CNTNAP3: variants seen among roughly 807,000 people sequenced by gnomAD.
CNTNAP3 encodes the protein contactin associated protein family member 3, also known as contactin-associated protein-like 3.
Under a neutral mutation model 92.1 loss-of-function variants are expected in CNTNAP3, and 36 were observed. The observed-to-expected ratio is 0.39, with a 90% CI of 0.30 to 0.52. CNTNAP3 has a LOEUF of 0.52. CNTNAP3 is among the 20% of genes least tolerant of loss of function. CNTNAP3 has a pLI of 0.76. For missense variants in CNTNAP3, 534 were observed against 1,069.6 expected, an observed-to-expected ratio of 0.50 and a Z score of 6.98; for synonymous variants, 232 against 422.3, an observed-to-expected ratio of 0.55 and a Z score of 5.53.
chr9:39,100,358 C>A (rs1826427444), intron 17 of CNTNAP3, among the ~76,000 whole-genome samples: 1 of 152,156 alleles, frequency 6.6e-6, no homozygotes, highest in Non-Finnish European at 1.5e-5. Context: ...ACATAACTTT[C>A]AAACATGGTG....
chr9:39,125,144 G>A (rs1169409772), intron 13 of CNTNAP3, among the ~76,000 whole-genome samples: 4 of 152,006 alleles, frequency 2.6e-5, no homozygotes, highest in Non-Finnish European at 5.9e-5. Context: ...TTAAGAAAAT[G>A]TGGCACATAT....
At chr9:39,088,964 CTT>C (rs1267711229) in intron 18 of CNTNAP3, among the ~76,000 whole-genome samples, 1 of 152,342 alleles carries the variant, frequency 6.6e-6, no homozygotes, top group East Asian at 1.9e-4. Context: ...TTATAGGTGA[CTT>C]ATCTCATCTT....
At chr9:39,095,472 T>C (rs1826304567) in intron 18 of CNTNAP3, among the ~76,000 whole-genome samples, 1 of 150,176 alleles carries the variant, frequency 6.7e-6, no homozygotes, top group Non-Finnish European at 1.5e-5. Flanking sequence ...GCCTTTATCA[T>C]ATTGAGAAAG....
In CNTNAP3 at chr9:39,099,932, C is replaced by G; in HGVS notation, c.2974G>C (p.Asp992His). 2 of 1,611,298 alleles carry G rather than the reference C, an allele frequency of 1.2e-6. No individual in the cohort carries two copies. The highest frequency in any genetic ancestry group is 1.1e-5 in the South Asian group (1 of 90,842). The change falls in exon 18 of 24, where the codon GAT becomes CAT. Residue 992 changes from aspartate to histidine, a missense_variant. Coordinates refer to ENST00000297668, the MANE Select transcript of CNTNAP3 (RefSeq NM_033655.5). The part of the protein sequence containing the change: ...VTCDCAFSAY[D>H]GPFCSNEISA... ...TTACCATTGGAGCAGAACGGCCCAT[C>G]ATAGGCTGAGAAGGCACAGTCACAG...
chr9:39,161,775 G>A (rs1222534300), intron 9 of CNTNAP3, among the ~76,000 whole-genome samples: 1 of 128,188 alleles, frequency 7.8e-6, no homozygotes, highest in African/African-American at 3.1e-5. Flanking sequence ...TTAAAGCCTG[G>A]GAGGTTGAGG....
At chr9:39,105,428 AAAACAAAC>A (rs538319512) in intron 15 of CNTNAP3, among the ~76,000 whole-genome samples, 4 of 152,278 alleles carry the variant, frequency 2.6e-5, no homozygotes, top group African/African-American at 9.6e-5. Context: ...CTCCATCTCA[AAAACAAAC>A]AAACAAACAA....
At chr9:39,110,494 A>G (rs1272426183) in intron 14 of CNTNAP3, among the ~76,000 whole-genome samples, 1 of 152,206 alleles carries the variant, frequency 6.6e-6, no homozygotes, top group African/African-American at 2.4e-5. Flanking sequence ...AGTAAAAAAT[A>G]TATTTTAGTC....
intron 21 of CNTNAP3, among the ~76,000 whole-genome samples, chr9:39,081,578 A>C (rs1825935068): frequency 6.6e-6 from 1 of 150,906 alleles, no homozygotes; most frequent in African/African-American, 2.4e-5. Context: ...CTAATACAGA[A>C]TTTGAAATAC....
rs946537377 is a variant in CNTNAP3, at chr9:39,086,038, G to A, written c.3355-215C>T. On this transcript the variant is annotated intron_variant, in intron 20 of 23. Transcript: ENST00000297668. ...TGCCATCAGCTACCACTCTATCCAC[G>A]ATGTACCCACTTGCTGGCTTTACTC... is the stretch of plus-strand genomic sequence containing the variant. 4.2e-5 allele frequency: 26 copies of A among 618,418 alleles called. No homozygotes were observed. In the East Asian group the frequency reaches 4.6e-4, roughly 11 times the overall value. The allele number at this position is 618,418 out of a possible 1,614,324, so 38.3% of individuals were successfully genotyped here.
rs1239154006 is a variant in CNTNAP3 at position 39,071,116 on chromosome 9, T to C, written c.*2774A>G. ...AAACTGAGGGAGCAGGTTAAAAAAATCTTACATGTTAATACATGACTTATC... is the reference window on the plus strand; with the variant it reads ...AAACTGAGGGAGCAGGTTAAAAAAACCTTACATGTTAATACATGACTTATC... On this transcript the variant is annotated 3_prime_UTR_variant, in exon 24 of 24. Coordinates refer to ENST00000297668, the MANE Select transcript of CNTNAP3 (RefSeq NM_033655.5). Among the ~76,000 whole-genome samples the C allele has an allele frequency of 6.6e-6, 1 of 152,184 alleles. No homozygotes were observed. Among genetic ancestry groups the C allele is most frequent in the African/African-American group, 2.4e-5 (1 of 41,454 alleles).
chr9:39,125,022 G>T (rs1821123621), intron 13 of CNTNAP3, among the ~76,000 whole-genome samples: 2 of 152,056 alleles, frequency 1.3e-5, no homozygotes, highest in Non-Finnish European at 2.9e-5. Context: ...ATACCCAAAG[G>T]ATTATAAATC....
intron 13 of CNTNAP3, among the ~76,000 whole-genome samples, chr9:39,120,515 C>CA (rs1024803615): frequency 1.3e-4 from 20 of 152,154 alleles, no homozygotes; most frequent in African/African-American, 4.3e-4. Flanking sequence ...ACTAAAAATA[C>CA]AAAAAATAGA....
chr9:39,086,295 T>G, intron 20 of CNTNAP3: 1 of 236,028 alleles, frequency 4.2e-6, no homozygotes, highest in Admixed American at 5.0e-5. Context: ...AATAACTATG[T>G]TGTGTGCTTT....
chr9:39,118,323 G>A, intron 13 of CNTNAP3, 64 bp from the exon 14 acceptor site: 1 of 1,599,282 alleles, frequency 6.3e-7, no homozygotes, highest in Non-Finnish European at 8.5e-7. Flanking sequence ...TCCCCATATA[G>A]CTCCCTTTAC....
chr9:39,108,230 A>C (rs1587711134), intron 15 of CNTNAP3, among the ~76,000 whole-genome samples: 1 of 119,046 alleles, frequency 8.4e-6, no homozygotes, highest in Admixed American at 9.2e-5. Context: ...GAGCCCCCAG[A>C]CAAGGGTCCG....
At chr9:39,080,724 C>T (rs1266241128) in intron 21 of CNTNAP3, among the ~76,000 whole-genome samples, 1 of 127,470 alleles carries the variant, frequency 7.8e-6, no homozygotes, top group East Asian at 2.5e-4. Context: ...TGCAGTGGCG[C>T]GATCTCGGCT....
intron 4 of CNTNAP3, among the ~76,000 whole-genome samples, chr9:39,179,286 T>TCTAC (rs1491209886): frequency 9.9e-5 from 8 of 80,756 alleles, no homozygotes; most frequent in African/African-American, 4.0e-4. Context: ...TCTCTCTCTC[T>TCTAC]ACACACACAC....
In CNTNAP3 at chr9:39,065,616, A is replaced by G. The variant is rs1232097213; in HGVS notation, c.*8274T>C. ...AATGTATGAGAATTATAATTGCTCC[A>G]TATTCTCAACAACACGTGGTACTGA... On this transcript the variant is annotated 3_prime_UTR_variant, in exon 24 of 24. Transcript: ENST00000297668. Among the ~76,000 whole-genome samples the G allele has an allele frequency of 3.9e-5, 6 of 152,188 alleles. No individual in the cohort carries two copies. Among genetic ancestry groups the G allele is most frequent in the African/African-American group, 2.4e-5 (1 of 41,442 alleles).
intron 14 of CNTNAP3, among the ~76,000 whole-genome samples, chr9:39,114,184 G>A (rs1039601956): frequency 2.0e-5 from 3 of 149,378 alleles, no homozygotes; most frequent in East Asian, 2.0e-4. Flanking sequence ...CCAGCTTCAC[G>A]CCATTCTCCT....
Sources: allele counts gnomAD v4.1 joint callset (sites outside exome capture counted in the v4.1 genomes callset), GRCh38; gene constraint gnomAD v4.1.1; transcripts MANE v1.5; gene names NCBI Gene and HGNC (gene_info 2026-07-23, HGNC 2026-07-21).